Variants in MTMR14 observed in about 807,000 individuals in gnomAD.
The protein encoded by MTMR14 is myotubularin related protein 14.
In MTMR14, 48 loss-of-function variants were observed where a neutral mutation model predicts 86.3. The observed-to-expected ratio is 0.56, with a 90% CI of 0.44 to 0.71. The LOEUF is 0.71. Among genes scored for constraint, MTMR14 ranks in the 30% least tolerant of loss-of-function variants. The probability of loss-of-function intolerance (pLI) is 0.00; values close to 1 mark genes in which losing one functional copy is unlikely to be tolerated. For missense variants in MTMR14, 780 were observed against 834.6 expected (o/e 0.93, Z 0.81); for synonymous variants, 366 against 326.1 (o/e 1.12, Z -1.32).
intron 13 of MTMR14, 95 bp downstream of exon 13, chr3:9,685,342 T>A: frequency 6.9e-7 from 1 of 1,448,470 alleles, no homozygotes; most frequent in East Asian, 2.3e-5. Context: ...GGGCAGCTCC[T>A]TGCCCCAGGT....
At chr3:9,694,586 C>G (rs1337261512) in intron 17 of MTMR14, among the ~76,000 whole-genome samples, 1 of 152,108 alleles carries the variant, frequency 6.6e-6, no homozygotes, top group Non-Finnish European at 1.5e-5. Context: ...TAGTAGATAC[C>G]TTTTCACGAA....
chr3:9,653,899 T>C, intron 2 of MTMR14, 130 bp downstream of exon 2: 3 of 1,313,414 alleles, frequency 2.3e-6, no homozygotes, highest in Non-Finnish European at 3.3e-6. Flanking sequence ...GGCATTTTTA[T>C]TTACTTCAAG....
intron 1 of MTMR14, among the ~76,000 whole-genome samples, chr3:9,651,884 T>A (rs755645265): frequency 1.1e-4 from 17 of 151,636 alleles, no homozygotes; most frequent in Admixed American, 4.6e-4. Flanking sequence ...CAGGCTGGAA[T>A]GCAATGGCGT....
At chr3:9,676,756 T>C (rs930343038) in intron 7 of MTMR14, among the ~76,000 whole-genome samples, 3 of 152,214 alleles carry the variant, frequency 2.0e-5, no homozygotes, top group Non-Finnish European at 4.4e-5. Context: ...CCAAAGAATA[T>C]AGAAAAGTGC....
At chr3:9,657,435 T>C (rs1456261100) in intron 2 of MTMR14, among the ~76,000 whole-genome samples, 1 of 152,226 alleles carries the variant, frequency 6.6e-6, no homozygotes, top group African/African-American at 2.4e-5. Context: ...TGTTGATCCC[T>C]TAAAGAGACT....
chr3:9,684,152 A>G (rs2075859879), intron 10 of MTMR14, among the ~76,000 whole-genome samples: 1 of 152,162 alleles, frequency 6.6e-6, no homozygotes, highest in Non-Finnish European at 1.5e-5. Flanking sequence ...AGGGTGGGGA[A>G]GGTAGTACTA....
intron 3 of MTMR14, 65 bp from the exon 4 acceptor site, chr3:9,668,654 A>C (rs1183665475): frequency 4.5e-6 from 7 of 1,555,460 alleles, no homozygotes; most frequent in Non-Finnish European, 6.2e-6. Context: ...GGAGTCCCAC[A>C]TGTTCCTTCA....
Position 9,701,578 on chromosome 3 carries a change from CAG to C in MTMR14, c.1770-211_1770-210del, listed in dbSNP as rs2076459915. On this transcript the variant is annotated intron_variant, in intron 18 of 18. Transcript: ENST00000296003. The surrounding 1 kb of genome is among the most constrained non-coding windows in gnomAD (Gnocchi z 4.2). ...TAAAAGCTCCTGCTCTAGGTGGGAA[CAG>C]TAGCCTGAGGGCTTAGAGGAATGGT... 6.4e-6 allele frequency: 4 copies of C among 625,970 alleles called. No homozygotes were observed. In the East Asian group the frequency reaches 1.1e-4, roughly 17 times the overall value. 38.8% of individuals were successfully genotyped at this position (625,970 alleles called of 1,614,324 possible).
intron 4 of MTMR14, 131 bp from the exon 5 acceptor site, chr3:9,669,301 G>C: frequency 1.3e-6 from 1 of 765,730 alleles, no homozygotes; most frequent in South Asian, 1.8e-5. Flanking sequence ...GGGGCATACT[G>C]TGTCCTTAGG....
At chr3:9,672,508 A>C (rs545023173) in intron 6 of MTMR14, among the ~76,000 whole-genome samples, 177 bp from the exon 7 acceptor site, 1 of 152,228 alleles carries the variant, frequency 6.6e-6, no homozygotes. Context: ...CGATGCACCC[A>C]GCTGAAGTTA....
chr3:9,673,952 T>C (rs1324868134), intron 7 of MTMR14, among the ~76,000 whole-genome samples: 3 of 151,324 alleles, frequency 2.0e-5, no homozygotes, highest in Non-Finnish European at 4.4e-5. Context: ...TTGATGATGG[T>C]GATGATGATG....
intron 3 of MTMR14, among the ~76,000 whole-genome samples, chr3:9,667,841 T>A (rs2125101703): frequency 6.6e-6 from 1 of 152,318 alleles, no homozygotes; most frequent in South Asian, 2.1e-4. Context: ...TTGGCAATCT[T>A]CCAGGGATCC....
chr3:9,687,523 C>G (rs1260053560), intron 13 of MTMR14, among the ~76,000 whole-genome samples: 1 of 151,892 alleles, frequency 6.6e-6, no homozygotes, highest in Non-Finnish European at 1.5e-5. Flanking sequence ...CCATTGCACT[C>G]CAGCCTGGGT....
intron 1 of MTMR14, among the ~76,000 whole-genome samples, chr3:9,652,236 G>A (rs1053700172): frequency 6.6e-6 from 1 of 152,140 alleles, no homozygotes. Flanking sequence ...CAAAGTGCTG[G>A]GATTATAGGC....
At chr3:9,656,464 C>T (rs535394643) in intron 2 of MTMR14, among the ~76,000 whole-genome samples, 1 of 152,052 alleles carries the variant, frequency 6.6e-6, no homozygotes, top group Non-Finnish European at 1.5e-5. Context: ...CTCTGTTGCC[C>T]AGGCTGGAGT....
Position 9,677,477 on chromosome 3 carries a change from C to A in MTMR14, c.822+90C>A. ...AACAAGCAGTCTTTGGGGAAAACAA[C>A]AAGCAGTCTTTGGGGAAAATAACTC... On this transcript the variant is annotated intron_variant, in intron 8 of 18. Transcript: ENST00000296003. The surrounding 1 kb of genome is among the most constrained non-coding windows in gnomAD (Gnocchi z 4.2). 8.5e-7 allele frequency: 1 copy of A among 1,179,092 alleles called. No individual in the cohort carries two copies. The highest frequency in any genetic ancestry group is 1.3e-6 in the Non-Finnish European group (1 of 786,640). The allele number at this position is 1,179,092 out of a possible 1,614,324, so 73.0% of individuals were successfully genotyped here. A position where few individuals can be genotyped will look rare whatever the true frequency, so the allele number is the denominator to read the frequency against.
Position 9,701,633 on chromosome 3 carries a change from G to T in MTMR14, c.1770-157G>T. On this transcript the variant is annotated intron_variant, in intron 18 of 18. Transcript: ENST00000296003. The surrounding 1 kb of genome is among the most constrained non-coding windows in gnomAD (Gnocchi z 4.2). ...AAGGGAAAACAGGGCCAGATATTTG[G>T]GGCCTGAACCACAAGGATAGCATGG... 1 of 843,764 alleles carries T rather than the reference G, an allele frequency of 1.2e-6. No homozygotes were observed. Among genetic ancestry groups the T allele is most frequent in the African/African-American group, 1.7e-5 (1 of 60,118 alleles). The allele number at this position is 843,764 out of a possible 1,614,324, so 52.3% of individuals were successfully genotyped here.
In MTMR14 at chr3:9,664,458, T is replaced by G. The variant is rs943084026; in HGVS notation, c.417+2083T>G. Among the ~76,000 whole-genome samples, 42 of 151,828 alleles carry G rather than the reference T, an allele frequency of 2.8e-4. 1 individual carries two copies. Among genetic ancestry groups the G allele is most frequent in the African/African-American group, 9.9e-4 (41 of 41,324 alleles). Reference sequence around the variant, plus strand: ...GAGAGAGAGTTGTGTTAAGAAATGCTTGCTTCCACTGTGTTAAGAAATGCT... The same window carrying G: ...GAGAGAGAGTTGTGTTAAGAAATGCGTGCTTCCACTGTGTTAAGAAATGCT... On this transcript the variant is annotated intron_variant, in intron 3 of 18. Coordinates refer to ENST00000296003, the MANE Select transcript of MTMR14 (RefSeq NM_001077525.3).
intron 18 of MTMR14, chr3:9,699,865 G>T (rs1262569341): frequency 6.6e-6 from 1 of 152,218 alleles, no homozygotes; most frequent in African/African-American, 2.4e-5. Context: ...GAGAAGCTAA[G>T]GCAAGCATGC....
Sources: gnomAD v4.1 joint callset for allele counts (sites outside exome capture counted in the v4.1 genomes callset) on GRCh38, gnomAD v4.1.1 for gene constraint, Gnocchi (gnomAD v3.1) non-coding constraint, MANE v1.5 for transcripts, NCBI Gene and HGNC (gene_info 2026-07-23, HGNC 2026-07-21) for gene names.